PLEKHA7: variants seen among roughly 807,000 people sequenced by gnomAD.
PLEKHA7 encodes pleckstrin homology domain-containing family A member 7.
Under a neutral mutation model 170.0 loss-of-function variants are expected in PLEKHA7, and 104 were observed. That is an observed-to-expected ratio of 0.61 (90% confidence interval 0.52 to 0.72). The LOEUF (loss-of-function observed/expected upper bound fraction) is 0.72, where lower values mean the gene tolerates loss of function less well. PLEKHA7 is among the 30% of genes least tolerant of loss of function. PLEKHA7 has a pLI of 0.00. For synonymous variants in PLEKHA7, 648 were observed against 660.8 expected, an observed-to-expected ratio of 0.98 and a Z score of 0.30; for missense variants, 1,615 against 1,671.7, an observed-to-expected ratio of 0.97 and a Z score of 0.59.
rs371432723 is a variant in PLEKHA7, at chr11:16,956,573, C to G, written c.221+57416G>C. ...AGCTAATGGTCCTTCAATAATCCCA[C>G]GCTCACAATGCCACAGTAAGATTTA... is the stretch of plus-strand genomic sequence containing the variant. On this transcript the variant is annotated intron_variant, in intron 3 of 26. Coordinates refer to ENST00000531066, the MANE Select transcript of PLEKHA7 (RefSeq NM_001329630.2). Among the ~76,000 whole-genome samples the G allele has an allele frequency of 1.7e-4, 26 of 152,340 alleles. No individual in the cohort carries two copies. The South Asian group carries it at 5.2e-3, about 30-fold the overall frequency.
At position 16,826,508 on chromosome 11, in the gene PLEKHA7, C is replaced by T. The variant is rs770945767; in HGVS notation, c.955G>A (p.Gly319Arg). 5 of 1,614,078 alleles carry T rather than the reference C, an allele frequency of 3.1e-6. No homozygotes were observed. The highest frequency in any genetic ancestry group is 2.2e-5 in the East Asian group (1 of 44,896). ...CGATGAGGACAATCTCTCGTATGTCCGGGTCCCACCCGGCCACATTCGTGA... is the reference window on the plus strand; with the variant it reads ...CGATGAGGACAATCTCTCGTATGTCTGGGTCCCACCCGGCCACATTCGTGA... The part of the protein sequence containing the change: ...SCHECGRVGP[G>R]HTRDCPHRGH... The change falls in exon 10 of 27, where the codon GGA (glycine) becomes AGA (arginine). Residue 319 changes from glycine to arginine, a missense_variant. Physicochemically the swap from Gly to Arg is moderately radical, Grantham distance 125 (BLOSUM62 -2). Coordinates refer to ENST00000531066, the MANE Select transcript of PLEKHA7 (RefSeq NM_001329630.2).
At chr11:16,797,780 G>A (rs1848335487) in intron 17 of PLEKHA7, among the ~76,000 whole-genome samples, 2 of 152,160 alleles carry the variant, frequency 1.3e-5, no homozygotes, top group Admixed American at 1.3e-4. Context: ...GGTAAAGAAA[G>A]GGATTAAACG....
intron 3 of PLEKHA7, among the ~76,000 whole-genome samples, chr11:16,879,153 A>C (rs905288480): frequency 6.6e-6 from 1 of 152,070 alleles, no homozygotes; most frequent in African/African-American, 2.4e-5. Flanking sequence ...GAAACCTACA[A>C]TTTGGTGACT....
rs1227372377 is a variant in PLEKHA7, at chr11:17,014,353, A to G, written c.49T>C (p.Tyr17His). 6.9e-7 allele frequency: 1 copy of G among 1,442,238 alleles called. No homozygotes were observed. Among genetic ancestry groups the G allele is most frequent in the Admixed American group, 2.5e-5 (1 of 39,810 alleles). The allele number at this position is 1,442,238 out of a possible 1,614,324, so 89.3% of individuals were successfully genotyped here. A position where few individuals can be genotyped will look rare whatever the true frequency, so the allele number is the denominator to read the frequency against. The change falls in exon 1 of 27, where the codon TAC becomes CAC. Residue 17 changes from tyrosine to histidine, a missense_variant. Coordinates refer to ENST00000531066, the MANE Select transcript of PLEKHA7 (RefSeq NM_001329630.2). ...ACGCGGCCATCCCGGCACACCCCGT[A>G]GGACCAATGCTCAGGTAAAGTGTCC... ...GRDTLPEHWS[Y>H]GVCRDGRVFF...
intron 8 of PLEKHA7, among the ~76,000 whole-genome samples, chr11:16,846,518 T>C (rs1009890911): frequency 3.3e-5 from 5 of 152,070 alleles, no homozygotes; most frequent in African/African-American, 1.2e-4. Context: ...ATATTTAAAA[T>C]GGAACTATGG....
intron 21 of PLEKHA7, 128 bp downstream of exon 21, chr11:16,790,670 A>G: frequency 3.4e-6 from 3 of 891,388 alleles, no homozygotes; most frequent in Non-Finnish European, 5.1e-6. Context: ...GGCATCCCAG[A>G]CCCCCCTGAC....
chr11:16,832,092 C>A (rs1211712386), intron 9 of PLEKHA7, among the ~76,000 whole-genome samples: 1 of 152,152 alleles, frequency 6.6e-6, no homozygotes, highest in Non-Finnish European at 1.5e-5. Context: ...TTAGACTTTG[C>A]TGAATTGCAA....
chr11:16,989,237 T>C (rs1380008379), intron 3 of PLEKHA7, among the ~76,000 whole-genome samples: 1 of 152,234 alleles, frequency 6.6e-6, no homozygotes, highest in Non-Finnish European at 1.5e-5. Flanking sequence ...TCATTCTCTT[T>C]ACCTTGTTAG....
At chr11:16,892,643 G>A (rs1342525566) in intron 3 of PLEKHA7, among the ~76,000 whole-genome samples, 26 of 47,992 alleles carry the variant, frequency 5.4e-4, no homozygotes, top group East Asian at 3.5e-3. Context: ...TTTTTTTTTC[G>A]TATTTTTAGT....
chr11:16,827,746 C>G (rs1036881757), intron 9 of PLEKHA7, among the ~76,000 whole-genome samples: 2 of 151,752 alleles, frequency 1.3e-5, no homozygotes, highest in Non-Finnish European at 2.9e-5. Flanking sequence ...AGAGAACTTG[C>G]TCCAGCTCAG....
chr11:16,947,687 G>T lies in PLEKHA7; in HGVS notation c.221+66302C>A, dbSNP rs1190276134. On this transcript the variant is annotated intron_variant, in intron 3 of 26. Coordinates refer to ENST00000531066, the MANE Select transcript of PLEKHA7 (RefSeq NM_001329630.2). ...TCCCAGCACTTTGGGAGGCTGAGGC[G>T]GGTGGATTGCCTGAGCTCAGGAGTT... Among the ~76,000 whole-genome samples the T allele has an allele frequency of 2.0e-4, 30 of 151,714 alleles. 1 individual carries two copies. Among genetic ancestry groups the T allele is most frequent in the Admixed American group, 2.0e-3 (30 of 15,238 alleles).
At chr11:16,828,570 T>C (rs1850849110) in intron 9 of PLEKHA7, among the ~76,000 whole-genome samples, 1 of 152,138 alleles carries the variant, frequency 6.6e-6, no homozygotes, top group Non-Finnish European at 1.5e-5. Context: ...GTCTTTTCCA[T>C]GGAAACCCCA....
At chr11:16,998,499 A>G (rs1349883747) in intron 3 of PLEKHA7, among the ~76,000 whole-genome samples, 1 of 152,182 alleles carries the variant, frequency 6.6e-6, no homozygotes, top group Non-Finnish European at 1.5e-5. Context: ...TCTAATTTAA[A>G]TATCTATGTA....
At chr11:16,999,977 A>T (rs534778716) in intron 3 of PLEKHA7, among the ~76,000 whole-genome samples, 1 of 152,210 alleles carries the variant, frequency 6.6e-6, no homozygotes, top group African/African-American at 2.4e-5. Flanking sequence ...AAAGAACCAG[A>T]TGCAAACCCT....
intron 3 of PLEKHA7, among the ~76,000 whole-genome samples, chr11:16,919,254 C>T (rs959231355): frequency 6.6e-6 from 1 of 152,118 alleles, no homozygotes; most frequent in Non-Finnish European, 1.5e-5. Flanking sequence ...CCCTGTATTA[C>T]CCCATATCAT....
At chr11:16,998,326 A>T (rs1864461875) in intron 3 of PLEKHA7, among the ~76,000 whole-genome samples, 1 of 152,170 alleles carries the variant, frequency 6.6e-6, no homozygotes, top group Middle Eastern at 3.4e-3. Flanking sequence ...CAAACTCTCA[A>T]ACCTTTCCAC....
chr11:16,942,521 C>T (rs979698340), intron 3 of PLEKHA7, among the ~76,000 whole-genome samples: 2 of 152,212 alleles, frequency 1.3e-5, no homozygotes, highest in South Asian at 2.1e-4. Context: ...CTGTTGCTGA[C>T]GAGCTGACTC....
chr11:16,997,766 A>G (rs1229625942), intron 3 of PLEKHA7, among the ~76,000 whole-genome samples: 1 of 152,220 alleles, frequency 6.6e-6, no homozygotes, highest in African/African-American at 2.4e-5. Context: ...ACTCGACAGA[A>G]GGCCGCATGC....
chr11:16,807,199 T>A (rs945839046), intron 13 of PLEKHA7: 2 of 985,310 alleles, frequency 2.0e-6, no homozygotes, highest in Non-Finnish European at 2.4e-6. Context: ...GTAAAGCACG[T>A]TGATCAAAGG....
Sources: gnomAD v4.1 joint callset for allele counts (sites outside exome capture counted in the v4.1 genomes callset) on GRCh38, gnomAD v4.1.1 for gene constraint, MANE v1.5 for transcripts, NCBI Gene and HGNC (gene_info 2026-07-23, HGNC 2026-07-21) for gene names.